PACS2: variants seen among roughly 807,000 people sequenced by gnomAD.
PACS2 encodes phosphofurin acidic cluster sorting protein 2, also known as PACS1-like protein.
In PACS2, 36 loss-of-function variants were observed where a neutral mutation model predicts 113.0. The ratio of observed to expected loss-of-function variants is 0.32; its 90% CI spans 0.24 to 0.42. The LOEUF is 0.42. Among genes scored for constraint, PACS2 ranks in the 10% least tolerant of loss-of-function variants. The pLI is 1.00. For synonymous variants in PACS2, 589 were observed against 536.1 expected (o/e 1.10, Z -1.36); for missense variants, 1,015 against 1,239.5 (o/e 0.82, Z 2.72).
intron 15 of PACS2, 72 bp from the exon 16 acceptor site, chr14:105,383,287 G>A: frequency 6.5e-7 from 1 of 1,548,940 alleles, no homozygotes; most frequent in South Asian, 1.1e-5. Context: ...GCTCACACTG[G>A]CATCCTTGGA....
chr14:105,392,387 C>A, intron 22 of PACS2: 1 of 564,372 alleles, frequency 1.8e-6, no homozygotes, highest in Non-Finnish European at 3.2e-6. Context: ...GACAGGCCTC[C>A]CAGGCCGAGG....
intron 3 of PACS2, among the ~76,000 whole-genome samples, chr14:105,353,593 C>G (rs782299674): frequency 1.2e-4 from 18 of 151,714 alleles, no homozygotes; most frequent in African/African-American, 1.5e-4. Flanking sequence ...TTTGTTTTTT[C>G]TTTGTTTTTT....
rs782743053 is a variant in PACS2 at position 105,379,864 on chromosome 14, C to T, written c.1050+35C>T. 1.3e-5 allele frequency: 20 copies of T among 1,575,140 alleles called. No homozygotes were observed. The Middle Eastern group carries it at 6.7e-4, about 53-fold the overall frequency. ...GCCACACTGATCTCCCAGAGCAGAC[C>T]GTGGTCTGACTGGGCTGTGGTGTGG... On this transcript the variant is annotated intron_variant, in intron 10 of 24. Transcript: ENST00000447393.
At chr14:105,378,473 A>G (rs1482360325) in intron 9 of PACS2, among the ~76,000 whole-genome samples, 2 of 152,206 alleles carry the variant, frequency 1.3e-5, no homozygotes, top group Non-Finnish European at 2.9e-5. Context: ...GTAGTTGTGC[A>G]GTCGTGGCTC....
At chr14:105,346,597 C>T (rs1312199421) in intron 1 of PACS2, among the ~76,000 whole-genome samples, 1 of 57,856 alleles carries the variant, frequency 1.7e-5, no homozygotes, top group African/African-American at 7.7e-5. Context: ...ACCCCCTGCA[C>T]GGCTCCCCCA....
At position 105,315,219 on chromosome 14, in the gene PACS2, C is replaced by T. The variant is rs2058526213; in HGVS notation, c.119+182C>T. ...CCCCCCGCAGCTCCGGCAAGCGCGG[C>T]CCCAGCCCCCCAGGTCCCGAGCACC... On this transcript the variant is annotated intron_variant, in intron 1 of 24. Coordinates refer to ENST00000447393, the MANE Select transcript of PACS2 (RefSeq NM_001100913.3). The surrounding 1 kb of genome is among the most constrained non-coding windows in gnomAD (Gnocchi z 4.4). The T allele has an allele frequency of 4.9e-6, 1 of 203,346 alleles. No homozygotes were observed. The highest frequency in any genetic ancestry group is 9.0e-6 in the Non-Finnish European group (1 of 111,274). The allele number at this position is 203,346 out of a possible 1,614,324, so 12.6% of individuals were successfully genotyped here.
At chr14:105,373,813 C>CT (rs2061246722) in intron 8 of PACS2, among the ~76,000 whole-genome samples, 2 of 151,802 alleles carry the variant, frequency 1.3e-5, no homozygotes, top group South Asian at 4.2e-4. Flanking sequence ...ATTTGGACCC[C>CT]TACCTCACAC....
At position 105,322,030 on chromosome 14, in the gene PACS2, C is replaced by T. The variant is rs587697244; in HGVS notation, c.119+6993C>T. Among the ~76,000 whole-genome samples, 368 of 151,656 alleles carry T rather than the reference C, an allele frequency of 2.4e-3. 2 individuals are homozygous for T. The highest frequency in any genetic ancestry group is 8.4e-3 in the African/African-American group (349 of 41,344). ...CTTGGCTCACTGCAACCTCTCCTCCCGGGTTCAAGCGATTCTCCTGCCTCA... is the reference window on the plus strand; with the variant it reads ...CTTGGCTCACTGCAACCTCTCCTCCTGGGTTCAAGCGATTCTCCTGCCTCA... On this transcript the variant is annotated intron_variant, in intron 1 of 24. Transcript: ENST00000447393.
At chr14:105,322,447 G>A (rs1483294414) in intron 1 of PACS2, among the ~76,000 whole-genome samples, 1 of 151,388 alleles carries the variant, frequency 6.6e-6, no homozygotes, top group Non-Finnish European at 1.5e-5. Context: ...TGTATTTTTA[G>A]TAGAGACGGG....
chr14:105,386,017 A>G lies in PACS2; in HGVS notation c.2033+300A>G, dbSNP rs150459487. ...CCCGTGTGCTGGGACTCCACCCCAG[A>G]GCCCTGAAGCCTGCAGGTCGGCCAG... is the stretch of plus-strand genomic sequence containing the variant. On this transcript the variant is annotated intron_variant, in intron 19 of 24. Coordinates refer to ENST00000447393, the MANE Select transcript of PACS2 (RefSeq NM_001100913.3). 7.7e-3 allele frequency among the ~76,000 whole-genome samples: 1,177 copies of G among 152,294 alleles called. 8 individuals carry two copies. The highest frequency in any genetic ancestry group is 0.025 in the South Asian group (122 of 4,824).
chr14:105,303,537 C>T (rs949095009), intron 1 of PACS2, among the ~76,000 whole-genome samples: 1 of 152,234 alleles, frequency 6.6e-6, no homozygotes, highest in East Asian at 1.9e-4. Context: ...GCCATCGCGC[C>T]TGGCCTTTTC....
chr14:105,303,826 A>G (rs1414483960), intron 1 of PACS2, among the ~76,000 whole-genome samples: 3 of 152,352 alleles, frequency 2.0e-5, no homozygotes, highest in East Asian at 1.9e-4. Flanking sequence ...CTCTCTGTCC[A>G]TGATGACATT....
In PACS2 at chr14:105,391,193, C is replaced by T. The variant is rs1555414729; in HGVS notation, c.2077-14C>T. 1.9e-6 allele frequency: 3 copies of T among 1,610,226 alleles called. No individual in the cohort carries two copies. The highest frequency in any genetic ancestry group is 2.2e-5 in the East Asian group (1 of 44,858). The stretch of plus-strand genomic sequence containing the variant: ...TTGCACGGCTTTCACCAGCCAGTGC[C>T]TGTTGTTTTCTAGGTTGTGAAGGTT... On this transcript the variant is annotated splice_polypyrimidine_tract_variant and intron_variant, in intron 20 of 24. Coordinates refer to ENST00000447393, the MANE Select transcript of PACS2 (RefSeq NM_001100913.3).
intron 7 of PACS2, among the ~76,000 whole-genome samples, chr14:105,369,119 G>C (rs1160181405): frequency 6.6e-6 from 1 of 152,256 alleles, no homozygotes; most frequent in Non-Finnish European, 1.5e-5. Flanking sequence ...GTGCTGACAA[G>C]GGACATGGGC....
intron 1 of PACS2, among the ~76,000 whole-genome samples, chr14:105,333,273 G>C (rs189459206): frequency 6.6e-6 from 1 of 152,318 alleles, no homozygotes; most frequent in East Asian, 1.9e-4. Flanking sequence ...CCACAGCCGT[G>C]CCCTGTGCAG....
rs1595572501 is a variant in PACS2 at position 105,324,789 on chromosome 14, C to G, written c.119+9752C>G. On this transcript the variant is annotated intron_variant, in intron 1 of 24. Transcript: ENST00000447393. This position sits in a 1 kb window ranked among gnomAD's most constrained non-coding sequence, Gnocchi z 4.7. ...GAGCACTGGCTACTGCTGGGCTGCTCTCAGGCCCGGGACATTCATGGCCGT... is the reference window on the plus strand; with the variant it reads ...GAGCACTGGCTACTGCTGGGCTGCTGTCAGGCCCGGGACATTCATGGCCGT... 6.6e-6 allele frequency among the ~76,000 whole-genome samples: 1 copy of G among 152,190 alleles called. No individual in the cohort carries two copies. Among genetic ancestry groups the G allele is most frequent in the South Asian group, 2.1e-4 (1 of 4,836 alleles).
chr14:105,369,063 C>T (rs1223736557), intron 7 of PACS2, among the ~76,000 whole-genome samples: 2 of 152,236 alleles, frequency 1.3e-5, no homozygotes, highest in African/African-American at 4.8e-5. Flanking sequence ...AGGACAGGCA[C>T]GGTTCCAGGG....
intron 1 of PACS2, among the ~76,000 whole-genome samples, chr14:105,338,372 GCCTT>G (rs1417557145): frequency 2.0e-5 from 3 of 152,306 alleles, no homozygotes; most frequent in East Asian, 3.9e-4. Context: ...GGGATATGGT[GCCTT>G]CCTTCTCCCG....
chr14:105,371,540 T>A (rs1186129546), intron 8 of PACS2: 1 of 152,242 alleles, frequency 6.6e-6, no homozygotes. Flanking sequence ...CACAGTACTT[T>A]AATGGAGTGA....
Sources: allele counts gnomAD v4.1 joint callset (sites outside exome capture counted in the v4.1 genomes callset), GRCh38; gene constraint gnomAD v4.1.1; non-coding constraint Gnocchi (gnomAD v3.1); transcripts MANE v1.5; gene names NCBI Gene and HGNC (gene_info 2026-07-23, HGNC 2026-07-21).